The following COG4 variants were observed in gnomAD, a reference collection of about 807,000 sequenced individuals.
COG4 encodes conserved oligomeric Golgi complex subunit 4.
In COG4, 65 loss-of-function variants were observed where a neutral mutation model predicts 95.1. The ratio of observed to expected loss-of-function variants is 0.68; its 90% CI spans 0.56 to 0.84. COG4 has a LOEUF of 0.84. Ranked by LOEUF, COG4 falls within the 40% of genes least tolerant of loss-of-function variation. The pLI is 0.00. For synonymous variants in COG4, 421 were observed against 374.8 expected (o/e 1.12, Z -1.42); for missense variants, 1,045 against 989.1 (o/e 1.06, Z -0.76).
intron 6 of COG4, among the ~76,000 whole-genome samples, 186 bp from the exon 7 acceptor site, chr16:70,509,574 T>A (rs1246625666): frequency 6.6e-6 from 1 of 152,228 alleles, no homozygotes; most frequent in East Asian, 1.9e-4. Context: ...TGTACAGTGC[T>A]TGGTACACCA....
chr16:70,517,773 G>T, intron 2 of COG4, 33 bp from the exon 3 acceptor site: 3 of 1,437,962 alleles, frequency 2.1e-6, no homozygotes, highest in Non-Finnish European at 2.9e-6. Flanking sequence ...TACACATAAC[G>T]ATAGGGCAGA....
chr16:70,481,013 C>G lies in COG4; in HGVS notation c.2367G>C (p.Leu789=), dbSNP rs772659272. Residue 789 remains leucine, a synonymous_variant, in exon 19 of 19, where the codon CTG becomes CTC. Coordinates refer to ENST00000323786, the MANE Select transcript of COG4 (RefSeq NM_015386.3). ...CCAGGTGTGCTCATCCAGGCAGCTA[C>G]AGGCGCAGCCTCTTGATATCTTCAC... ...FRSEDIKRLR[L] The G allele has an allele frequency of 1.9e-6, 3 of 1,612,448 alleles. No homozygotes were observed. The highest frequency in any genetic ancestry group is 2.5e-6 in the Non-Finnish European group (3 of 1,180,038).
At chr16:70,515,648 A>G (rs1226954587) in intron 3 of COG4, among the ~76,000 whole-genome samples, 1 of 152,084 alleles carries the variant, frequency 6.6e-6, no homozygotes, top group African/African-American at 2.4e-5. Flanking sequence ...AAGCCATTGC[A>G]CTCCAGCCTG....
chr16:70,485,200 T>C (rs2151740743), intron 13 of COG4, among the ~76,000 whole-genome samples: 1 of 141,794 alleles, frequency 7.1e-6, no homozygotes, highest in East Asian at 2.0e-4. Flanking sequence ...TGAGACCCTG[T>C]CTCTCTTTTT....
Position 70,523,403 on chromosome 16 carries a change from C to A in COG4, c.141G>T (p.Glu47Asp). 6.2e-7 allele frequency: 1 copy of A among 1,614,198 alleles called. No individual in the cohort carries two copies. Among genetic ancestry groups the A allele is most frequent in the Non-Finnish European group, 8.5e-7 (1 of 1,180,042 alleles). The change falls in exon 1 of 19, where the codon GAG (glutamate) becomes GAT (aspartate). Residue 47 changes from glutamate (E) to aspartate (D), a missense_variant. By Grantham distance (45) the Glu-to-Asp change is conservative. Coordinates refer to ENST00000323786, the MANE Select transcript of COG4 (RefSeq NM_015386.3). ...IRSLTELQEL[E>D]AVYERLCGEE... Reference sequence around the variant, plus strand: ...CGCCGCAGAGCCGTTCGTATACAGCCTCCAGCTCCTGCAGCTCTGTCAGGG... The same window carrying A: ...CGCCGCAGAGCCGTTCGTATACAGCATCCAGCTCCTGCAGCTCTGTCAGGG...
In COG4 at chr16:70,517,662, A is replaced by C; in HGVS notation, c.333T>G (p.Asn111Lys). ...CAAGCTGACGAACTTTGCTGGACAC[A>C]TTCTCAGCCAGGTTGCAGGTAAAGG... ...MITFTCNLAE[N>K]VSSKVRQLDL... The change falls in exon 3 of 19, where the codon AAT becomes AAG. Residue 111 changes from asparagine (N) to lysine (K), a missense_variant. Asn to Lys is a moderately conservative substitution (Grantham distance 94). Coordinates refer to ENST00000323786, the MANE Select transcript of COG4 (RefSeq NM_015386.3). 1 of 1,612,814 alleles carries C rather than the reference A, an allele frequency of 6.2e-7. No homozygotes were observed. The highest frequency in any genetic ancestry group is 8.5e-7 in the Non-Finnish European group (1 of 1,179,688).
At chr16:70,482,358 A>G (rs2049016600) in intron 15 of COG4, 183 bp from the exon 16 acceptor site, 2 of 677,270 alleles carry the variant, frequency 3.0e-6, no homozygotes, top group Admixed American at 4.2e-5. Context: ...CAAACAGCCC[A>G]GGGCTGTAGC....
intron 8 of COG4, among the ~76,000 whole-genome samples, chr16:70,504,627 A>AAAAAAAAAAAAAC (rs2049522485): frequency 7.2e-6 from 1 of 138,022 alleles, no homozygotes; most frequent in Non-Finnish European, 1.6e-5. Flanking sequence ...AAAAAAAAAA[A>AAAAAAAAAAAAAC]AGAGGCCGGG....
intron 8 of COG4, among the ~76,000 whole-genome samples, chr16:70,502,654 C>G (rs1430640817): frequency 6.6e-6 from 1 of 152,012 alleles, no homozygotes; most frequent in Non-Finnish European, 1.5e-5. Flanking sequence ...TCTCCAATCT[C>G]TAATTTAGCC....
At chr16:70,497,478 C>T in intron 10 of COG4, 91 bp from the exon 11 acceptor site, 2 of 1,217,652 alleles carry the variant, frequency 1.6e-6, no homozygotes, top group Non-Finnish European at 2.4e-6. Flanking sequence ...GCTCTGCTCC[C>T]TTTTCTGTAC....
rs753679808 is a variant in COG4, at chr16:70,523,385, G to A, written c.159C>T (p.Leu53=). 3.7e-6 allele frequency: 6 copies of A among 1,614,146 alleles called. No individual in the cohort carries two copies. The highest frequency in any genetic ancestry group is 1.1e-5 in the South Asian group (1 of 91,086). ...LQELEAVYER[L]CGEEKVVERE... ...CTCGACCCCGCACCTCCTCGCCGCA[G>A]AGCCGTTCGTATACAGCCTCCAGCT... Residue 53 remains leucine (L), a synonymous_variant, in exon 1 of 19, where the codon CTC becomes CTT. Transcript: ENST00000323786.
rs370185768 is a variant in COG4, at chr16:70,512,463, G to A, written c.545-31C>T. On this transcript the variant is annotated intron_variant, in intron 4 of 18. Coordinates refer to ENST00000323786, the MANE Select transcript of COG4 (RefSeq NM_015386.3). Reference sequence around the variant, plus strand: ...CAACAGGGAGAAAATGAAAATTCAAGTAAAGAATAGTACTGTGGCAGGTCC... The same window carrying A: ...CAACAGGGAGAAAATGAAAATTCAAATAAAGAATAGTACTGTGGCAGGTCC... The A allele has an allele frequency of 3.4e-5, 54 of 1,577,682 alleles. No homozygotes were observed. The Middle Eastern group carries it at 5.0e-4, about 15-fold the overall frequency.
chr16:70,494,485 C>T (rs2049302166), intron 12 of COG4, among the ~76,000 whole-genome samples: 1 of 152,192 alleles, frequency 6.6e-6, no homozygotes, highest in Non-Finnish European at 1.5e-5. Context: ...AAACCTGTCA[C>T]CAAGCATTTA....
chr16:70,484,382 C>T (rs779433682), intron 13 of COG4, among the ~76,000 whole-genome samples: 3 of 152,180 alleles, frequency 2.0e-5, no homozygotes, highest in Non-Finnish European at 4.4e-5. Context: ...TAGCTCAATG[C>T]CTGGCACAGG....
intron 8 of COG4, among the ~76,000 whole-genome samples, chr16:70,506,700 C>G (rs1240461815): frequency 7.2e-6 from 1 of 139,198 alleles, no homozygotes; most frequent in African/African-American, 2.7e-5. Flanking sequence ...GCTGGAGGAT[C>G]GCCTGAGTCC....
intron 16 of COG4, 59 bp downstream of exon 16, chr16:70,482,032 GC>G: frequency 6.9e-7 from 1 of 1,452,420 alleles, no homozygotes; most frequent in South Asian, 1.1e-5. Context: ...GACCCTGCAG[GC>G]TGCTGGTTTG....
intron 12 of COG4, among the ~76,000 whole-genome samples, chr16:70,495,397 C>A (rs79204422): frequency 1.3e-3 from 141 of 111,156 alleles, no homozygotes; most frequent in Admixed American, 1.6e-3. Context: ...GACTCCATCT[C>A]AAAAAAAAAA....
intron 2 of COG4, among the ~76,000 whole-genome samples, chr16:70,519,171 C>A (rs1347527818): frequency 2.9e-5 from 1 of 34,310 alleles, no homozygotes; most frequent in Non-Finnish European, 4.4e-5. Context: ...CCAGGCCAGA[C>A]TGCGGACTGC....
rs1450741267 is a variant in COG4, at chr16:70,519,683, T to G, written c.220A>C (p.Ile74Leu). ...TGGAGAGTGACCATCTTACTTTCAATGGTGTTTTGCTGTTCCAAAAGAGCA... is the reference window on the plus strand; with the variant it reads ...TGGAGAGTGACCATCTTACTTTCAAGGGTGTTTTGCTGTTCCAAAAGAGCA... ...LDALLEQQNTIESKMVTLHRM... is the reference protein window; with the variant it reads ...LDALLEQQNTLESKMVTLHRM... The change falls in exon 2 of 19, where the codon ATT (isoleucine) becomes CTT (leucine). Residue 74 changes from isoleucine (I) to leucine (L), a missense_variant. Ile to Leu is a conservative substitution (Grantham distance 5, BLOSUM62 2). Transcript: ENST00000323786. 6.2e-7 allele frequency: 1 copy of G among 1,613,906 alleles called. No individual in the cohort carries two copies. The highest frequency in any genetic ancestry group is 1.3e-5 in the African/African-American group (1 of 74,942).
Sources: gnomAD v4.1 joint callset for allele counts (sites outside exome capture counted in the v4.1 genomes callset) on GRCh38, gnomAD v4.1.1 for gene constraint, MANE v1.5 for transcripts, NCBI Gene and HGNC (gene_info 2026-07-23, HGNC 2026-07-21) for gene names.